The following ARB2A variants were observed in gnomAD, a reference collection of about 807,000 sequenced individuals.
ARB2A encodes cotranscriptional regulator ARB2A.
At chr5:94,038,303 A>G in the ARB2A span, among the ~76,000 whole-genome samples, 14 of 152,142 alleles carry the variant, frequency 9.2e-5, no homozygotes, top group South Asian at 2.9e-3. Context: ...CAGAAACATT[A>G]TTTCTTGGCA....
chr5:93,879,756 T>C, the ARB2A span, among the ~76,000 whole-genome samples: 2 of 151,914 alleles, frequency 1.3e-5, no homozygotes, highest in Non-Finnish European at 2.9e-5. Flanking sequence ...ATATCTGAGA[T>C]AGATGCTTAA....
chr5:93,692,957 G>A, the ARB2A span, among the ~76,000 whole-genome samples: 1 of 152,136 alleles, frequency 6.6e-6, no homozygotes. Context: ...TGACTATTGG[G>A]TAAATAACAA....
chr5:93,743,958 G>A, the ARB2A span, among the ~76,000 whole-genome samples: 4 of 152,062 alleles, frequency 2.6e-5, no homozygotes, highest in East Asian at 1.9e-4. Context: ...GAGCCATCGC[G>A]CCTGGCTAAC....
At chr5:93,938,825 T>C in the ARB2A span, among the ~76,000 whole-genome samples, 1 of 152,244 alleles carries the variant, frequency 6.6e-6, no homozygotes, top group Non-Finnish European at 1.5e-5. Context: ...AAGTTTGCTC[T>C]GACAGAAGTA....
At chr5:93,906,574 T>C in the ARB2A span, among the ~76,000 whole-genome samples, 6 of 151,698 alleles carry the variant, frequency 4.0e-5, 1 homozygote, top group East Asian at 1.9e-4. Flanking sequence ...CATTTGTTTT[T>C]ATCCTAATTT....
chr5:93,781,746 T>C, the ARB2A span: 1 of 258,434 alleles, frequency 3.9e-6, no homozygotes, highest in Non-Finnish European at 6.0e-6. Flanking sequence ...GTATCTCATT[T>C]TGGTTTTAAT....
At chr5:94,069,449 A>G in the ARB2A span, among the ~76,000 whole-genome samples, 2 of 152,216 alleles carry the variant, frequency 1.3e-5, no homozygotes, top group Non-Finnish European at 2.9e-5. Flanking sequence ...ACATTAAACT[A>G]AACAGCTCCT....
At chr5:93,905,091 C>T in the ARB2A span, among the ~76,000 whole-genome samples, 1 of 151,766 alleles carries the variant, frequency 6.6e-6, no homozygotes, top group African/African-American at 2.4e-5. Context: ...TTGTCTCTGT[C>T]CCAAGTCTAT....
the ARB2A span, among the ~76,000 whole-genome samples, chr5:93,974,431 G>A: frequency 6.6e-6 from 1 of 152,042 alleles, no homozygotes; most frequent in Non-Finnish European, 1.5e-5. Flanking sequence ...CAACATTGGA[G>A]CACCCAAATC....
the ARB2A span, among the ~76,000 whole-genome samples, chr5:93,712,242 GAAAAC>G: frequency 2.9e-3 from 446 of 152,096 alleles, 2 homozygotes; most frequent in African/African-American, 0.01. Flanking sequence ...AATTAAAATT[GAAAAC>G]AAAACAAAAC....
At chr5:94,034,959 G>A in the ARB2A span, among the ~76,000 whole-genome samples, 3 of 152,126 alleles carry the variant, frequency 2.0e-5, no homozygotes, top group Non-Finnish European at 4.4e-5. Flanking sequence ...CACTCCTTAT[G>A]AGAATCTAAC....
chr5:94,081,783 G>A, the ARB2A span, among the ~76,000 whole-genome samples: 6 of 152,104 alleles, frequency 3.9e-5, no homozygotes, highest in African/African-American at 9.6e-5. Context: ...CACTTGCATT[G>A]GGGTAGTGTC....
At chr5:93,900,261 A>G in the ARB2A span, among the ~76,000 whole-genome samples, 10 of 152,288 alleles carry the variant, frequency 6.6e-5, no homozygotes, top group Non-Finnish European at 1.3e-4. Flanking sequence ...AATATCTAAT[A>G]AAGTATTAAG....
the ARB2A span, among the ~76,000 whole-genome samples, chr5:93,625,267 G>A: frequency 2.0e-5 from 3 of 152,030 alleles, no homozygotes; most frequent in South Asian, 2.1e-4. Flanking sequence ...TAACAATCTC[G>A]TAAGTAGGTA....
At chr5:93,637,978 A>T in the ARB2A span, among the ~76,000 whole-genome samples, 2 of 152,186 alleles carry the variant, frequency 1.3e-5, no homozygotes, top group African/African-American at 4.8e-5. Context: ...GAATCCCAAT[A>T]AAAACTCTGG....
At chr5:93,998,148 C>T in the ARB2A span, among the ~76,000 whole-genome samples, 2 of 151,946 alleles carry the variant, frequency 1.3e-5, no homozygotes, top group African/African-American at 2.4e-5. Context: ...AAATAAAGAG[C>T]GTAATGAGAA....
At chr5:93,854,520 C>T in the ARB2A span, among the ~76,000 whole-genome samples, 1 of 152,058 alleles carries the variant, frequency 6.6e-6, no homozygotes, top group Non-Finnish European at 1.5e-5. Context: ...TTTGCTCTTG[C>T]TTTTCTAGTT....
the ARB2A span, among the ~76,000 whole-genome samples, chr5:93,827,045 G>T: frequency 1.3e-5 from 2 of 151,832 alleles, no homozygotes; most frequent in East Asian, 1.9e-4. Flanking sequence ...GAATAGTGCC[G>T]CAATAAACAT....
chr5:94,108,688 G>A, the ARB2A span, among the ~76,000 whole-genome samples: 1 of 151,932 alleles, frequency 6.6e-6, no homozygotes, highest in Non-Finnish European at 1.5e-5. Context: ...CACCCATCAG[G>A]ATCGCTATTA....
Sources: allele counts gnomAD v4.1 joint callset (sites outside exome capture counted in the v4.1 genomes callset), GRCh38; gene constraint gnomAD v4.1.1; transcripts MANE v1.5; gene names NCBI Gene and HGNC (gene_info 2026-07-23, HGNC 2026-07-21).